The following GAREM1 variants were observed in gnomAD, a reference collection of about 807,000 sequenced individuals.
The protein encoded by GAREM1 is GRB2 associated regulator of MAPK1 subtype 1.
A neutral mutation model predicts 71.3 loss-of-function variants in GAREM1; 26 were observed. The ratio of observed to expected loss-of-function variants is 0.36; its 90% confidence interval spans 0.27 to 0.51. GAREM1 has a LOEUF of 0.51. GAREM1 is among the 20% of genes least tolerant of loss of function. GAREM1 has a pLI of 0.95. For missense variants in GAREM1, 1,026 were observed against 1,103.1 expected (o/e 0.93, Z 0.99); for synonymous variants, 440 against 433.2 (o/e 1.02, Z -0.20).
intron 3 of GAREM1, 32 bp downstream of exon 3, chr18:32,310,161 G>A: frequency 1.9e-6 from 3 of 1,609,736 alleles, no homozygotes; most frequent in Non-Finnish European, 2.5e-6. Context: ...TCTTTAGTGA[G>A]TATAAATATT....
intron 2 of GAREM1, among the ~76,000 whole-genome samples, chr18:32,335,344 T>C (rs2144564429): frequency 6.6e-6 from 1 of 152,348 alleles, no homozygotes; most frequent in South Asian, 2.1e-4. Context: ...TTGGAGGCTT[T>C]GACTCACACG....
At chr18:32,327,786 G>A (rs1465794858) in intron 2 of GAREM1, among the ~76,000 whole-genome samples, 1 of 152,182 alleles carries the variant, frequency 6.6e-6, no homozygotes, top group African/African-American at 2.4e-5. Flanking sequence ...CAGCTTTGGA[G>A]TGGACAGACA....
chr18:32,390,063 C>G (rs192651105), intron 2 of GAREM1, among the ~76,000 whole-genome samples: 3 of 152,216 alleles, frequency 2.0e-5, no homozygotes, highest in African/African-American at 7.2e-5. Flanking sequence ...GCCAGCTACT[C>G]AAGAGGCTGA....
rs1009881042 is a variant in GAREM1 at position 32,379,293 on chromosome 18, A to G, written c.262+13602T>C. On this transcript the variant is annotated intron_variant, in intron 2 of 5. Coordinates refer to ENST00000269209, the MANE Select transcript of GAREM1 (RefSeq NM_001242409.2). Reference sequence around the variant, plus strand: ...CTGCTCAGCATCTAGTAGATCTTCAATTATTCAGTTAATATCTGAATAGAT... The same window carrying G: ...CTGCTCAGCATCTAGTAGATCTTCAGTTATTCAGTTAATATCTGAATAGAT... Among the ~76,000 whole-genome samples the G allele has an allele frequency of 1.1e-4, 17 of 152,120 alleles. No individual in the cohort carries two copies. The South Asian group carries it at 1.5e-3, about 13-fold the overall frequency.
At chr18:32,316,948 G>C (rs2047383445) in intron 2 of GAREM1, among the ~76,000 whole-genome samples, 1 of 152,056 alleles carries the variant, frequency 6.6e-6, no homozygotes, top group African/African-American at 2.4e-5. Context: ...CTCAACTCTG[G>C]CCATGTAGGG....
At position 32,287,298 on chromosome 18, in the gene GAREM1, G is replaced by A. The variant is rs1567949445; in HGVS notation, c.1299C>T (p.Tyr433=). The A allele has an allele frequency of 6.2e-7, 1 of 1,614,194 alleles. No individual in the cohort carries two copies. The highest frequency in any genetic ancestry group is 2.2e-5 in the East Asian group (1 of 44,888). Residue 433 remains tyrosine (Y), a synonymous_variant, in exon 4 of 6, where the codon TAC becomes TAT. Coordinates refer to ENST00000269209, the MANE Select transcript of GAREM1 (RefSeq NM_001242409.2). This position sits in a 1 kb window ranked among gnomAD's most constrained non-coding sequence, Gnocchi z 5.9. ...ATTCTTCACTAGCTTCTGGGAAAAG[G>A]TAGTCGCTCCCACTATCTCCAGAGT... ...YQDSGDSGSD[Y]LFPEASEESA...
At chr18:32,342,481 C>T (rs993678226) in intron 2 of GAREM1, among the ~76,000 whole-genome samples, 26 of 152,162 alleles carry the variant, frequency 1.7e-4, no homozygotes, top group African/African-American at 6.3e-4. Context: ...TGACTTTTTT[C>T]CCTGAGGCTG....
chr18:32,438,723 A>C (rs535049149), intron 1 of GAREM1, among the ~76,000 whole-genome samples: 40 of 152,348 alleles, frequency 2.6e-4, no homozygotes, highest in African/African-American at 9.1e-4. Context: ...CAGTTTTCTT[A>C]TCTATAAAAT....
intron 1 of GAREM1, among the ~76,000 whole-genome samples, chr18:32,449,212 A>G (rs973667930): frequency 4.6e-5 from 7 of 152,190 alleles, no homozygotes; most frequent in African/African-American, 1.7e-4. Context: ...CTGGCACCAT[A>G]ATTAGTCCTC....
intron 2 of GAREM1, among the ~76,000 whole-genome samples, chr18:32,329,862 A>G (rs1598965311): frequency 6.6e-6 from 1 of 152,060 alleles, no homozygotes; most frequent in South Asian, 2.1e-4. Context: ...CATATTACTA[A>G]CACCCAGCAA....
At position 32,428,305 on chromosome 18, in the gene GAREM1, C is replaced by T. The variant is rs1436673475; in HGVS notation, c.122-35270G>A. Reference sequence around the variant, plus strand: ...GAGTTCTGTCTAGTTTACCCTTTAACCATTGATAGGGTTTGGATCTGTGTC... The same window carrying T: ...GAGTTCTGTCTAGTTTACCCTTTAATCATTGATAGGGTTTGGATCTGTGTC... On this transcript the variant is annotated intron_variant, in intron 1 of 5. Coordinates refer to ENST00000269209, the MANE Select transcript of GAREM1 (RefSeq NM_001242409.2). Among the ~76,000 whole-genome samples the T allele has an allele frequency of 1.2e-4, 18 of 152,262 alleles. No individual in the cohort carries two copies. The South Asian group carries it at 3.7e-3, about 32-fold the overall frequency.
rs1349342358 is a variant in GAREM1, at chr18:32,268,035, T to A, written c.2467A>T (p.Ile823Phe). 8 of 1,613,960 alleles carry A rather than the reference T, an allele frequency of 5.0e-6. No individual in the cohort carries two copies. The highest frequency in any genetic ancestry group is 6.8e-6 in the Non-Finnish European group (8 of 1,179,976). ...IEEVSKSLRFIGLSEDVISFF... is the reference protein window; with the variant it reads ...IEEVSKSLRFFGLSEDVISFF... ...GATATGACATCTTCGGACAAACCAA[T>A]GAACCGTAGTGACTTGGACACTTCC... Residue 823 changes from isoleucine to phenylalanine, a missense_variant, in exon 6 of 6, where the codon ATT becomes TTT. Transcript: ENST00000269209.
chr18:32,459,637 T>C (rs888905735), intron 1 of GAREM1, among the ~76,000 whole-genome samples: 4 of 152,294 alleles, frequency 2.6e-5, no homozygotes, highest in East Asian at 1.9e-4. Flanking sequence ...TAGTGCTTGA[T>C]TGATTTTGTG....
chr18:32,439,415 G>A (rs1368179288), intron 1 of GAREM1, among the ~76,000 whole-genome samples: 2 of 152,106 alleles, frequency 1.3e-5, no homozygotes, highest in Non-Finnish European at 2.9e-5. Context: ...CCCGAAGCAG[G>A]CACACTTTGT....
chr18:32,309,803 CCT>C (rs1356156455), intron 3 of GAREM1, among the ~76,000 whole-genome samples: 2 of 151,928 alleles, frequency 1.3e-5, no homozygotes, highest in Admixed American at 1.3e-4. Flanking sequence ...TTGTATTTTT[CCT>C]CTCTTTCTTT....
In GAREM1 at chr18:32,470,769, C is replaced by A. The variant is rs2144329263; in HGVS notation, c.-341G>T. On this transcript the variant is annotated 5_prime_UTR_variant, in exon 1 of 6. Transcript: ENST00000269209. The surrounding 1 kb of genome is among the most constrained non-coding windows in gnomAD (Gnocchi z 4.4). ...TCCTCTGGCCCTGGGTCTGCAGCTG[C>A]GGCGGCCGCCCGCTCGCCTCCTCCT... 6.7e-6 allele frequency among the ~76,000 whole-genome samples: 1 copy of A among 150,158 alleles called. No individual in the cohort carries two copies. The highest frequency in any genetic ancestry group is 2.4e-5 in the African/African-American group (1 of 41,364).
chr18:32,333,992 G>A lies in GAREM1; in HGVS notation c.263-23669C>T, dbSNP rs1334756392. ...CACAGGCCAGCCCCTAGATGGCTCC[G>A]GAGGATGATTCAGGGCAGGATCTGT... On this transcript the variant is annotated intron_variant, in intron 2 of 5. Coordinates refer to ENST00000269209, the MANE Select transcript of GAREM1 (RefSeq NM_001242409.2). Among the ~76,000 whole-genome samples, 8 of 152,160 alleles carry A rather than the reference G, an allele frequency of 5.3e-5. No individual in the cohort carries two copies. The South Asian group carries it at 1.2e-3, about 24-fold the overall frequency.
intron 3 of GAREM1, among the ~76,000 whole-genome samples, chr18:32,289,812 G>C (rs1401860545): frequency 6.6e-6 from 1 of 152,182 alleles, no homozygotes; most frequent in East Asian, 1.9e-4. Context: ...GCTCCCCACA[G>C]CAAAGAATTA....
intron 2 of GAREM1, among the ~76,000 whole-genome samples, chr18:32,365,713 C>G (rs1009104017): frequency 6.6e-6 from 1 of 152,182 alleles, no homozygotes; most frequent in Non-Finnish European, 1.5e-5. Context: ...CATCTTCCAA[C>G]TCTGCCACCA....
Sources: allele counts gnomAD v4.1 joint callset (sites outside exome capture counted in the v4.1 genomes callset), GRCh38; gene constraint gnomAD v4.1.1; non-coding constraint Gnocchi (gnomAD v3.1); transcripts MANE v1.5; gene names NCBI Gene and HGNC (gene_info 2026-07-23, HGNC 2026-07-21).